PARD3B: variants seen among roughly 807,000 people sequenced by gnomAD.
PARD3B encodes the protein partitioning defective 3 homolog B.
Under a neutral mutation model 130.2 loss-of-function variants are expected in PARD3B, and 103 were observed. The ratio of observed to expected loss-of-function variants is 0.79; its 90% CI spans 0.67 to 0.93. The LOEUF is 0.93. PARD3B is among the 40% of genes least tolerant of loss of function. The pLI is 0.00. For synonymous variants in PARD3B, 583 were observed against 553.2 expected (o/e 1.05, Z -0.76); for missense variants, 1,609 against 1,499.2 (o/e 1.07, Z -1.21).
Position 205,515,442 on chromosome 2 carries a change from C to T in PARD3B, c.3180+15411C>T, listed in dbSNP as rs1300080229. ...CATACTGCTTTCCACAATGGTTGAA[C>T]TAATTTACACTCTCACCAACAGTGT... On this transcript the variant is annotated intron_variant, in intron 21 of 22. Transcript: ENST00000406610. Among the ~76,000 whole-genome samples, 3 of 151,908 alleles carry T rather than the reference C, an allele frequency of 2.0e-5. 1 individual carries two copies. The highest frequency in any genetic ancestry group is 7.3e-5 in the African/African-American group (3 of 41,306).
intron 11 of PARD3B, among the ~76,000 whole-genome samples, chr2:205,162,980 G>A (rs1285810763): frequency 1.3e-5 from 2 of 151,980 alleles, no homozygotes; most frequent in African/African-American, 4.8e-5. Context: ...TACATCTATG[G>A]ACTACACTTC....
intron 15 of PARD3B, among the ~76,000 whole-genome samples, chr2:205,197,311 T>G (rs2036752133): frequency 6.6e-6 from 1 of 152,162 alleles, no homozygotes; most frequent in African/African-American, 2.4e-5. Flanking sequence ...GAAATAAAAG[T>G]GAGTTAATTA....
At chr2:205,538,190 T>C (rs17638917) in intron 21 of PARD3B, among the ~76,000 whole-genome samples, 4,746 of 152,230 alleles carry the variant, frequency 0.031, 162 homozygotes, top group South Asian at 0.13. Context: ...ACAGTCTAGG[T>C]AAGTATTATT....
chr2:204,950,629 A>G (rs534498542), intron 2 of PARD3B, among the ~76,000 whole-genome samples: 69 of 152,308 alleles, frequency 4.5e-4, no homozygotes, highest in Non-Finnish European at 7.6e-4. Context: ...CTGGAAATCA[A>G]TGGAAAATAA....
At chr2:204,826,650 A>G (rs2043589552) in intron 2 of PARD3B, among the ~76,000 whole-genome samples, 2 of 152,186 alleles carry the variant, frequency 1.3e-5, no homozygotes, top group Non-Finnish European at 1.5e-5. Flanking sequence ...ATTTTTAAAA[A>G]TATTTTTATT....
At chr2:205,227,473 A>G (rs1465683802) in intron 15 of PARD3B, among the ~76,000 whole-genome samples, 2 of 151,896 alleles carry the variant, frequency 1.3e-5, no homozygotes, top group Non-Finnish European at 2.9e-5. Flanking sequence ...CCTGAAATCT[A>G]TTTTGCCTGA....
chr2:204,752,498 C>T (rs925587529), intron 2 of PARD3B, among the ~76,000 whole-genome samples: 14 of 151,934 alleles, frequency 9.2e-5, no homozygotes, highest in Non-Finnish European at 1.9e-4. Context: ...CGAATGTTGC[C>T]CCTTGTTAAT....
rs1287059832 is a variant in PARD3B at position 205,618,386 on chromosome 2, C to T, written c.*2573C>T. 1 of 152,216 alleles carries T rather than the reference C, an allele frequency of 6.6e-6. No individual in the cohort carries two copies. Among genetic ancestry groups the T allele is most frequent in the Non-Finnish European group, 1.5e-5 (1 of 68,042 alleles). 9.4% of individuals were successfully genotyped at this position (152,216 alleles called of 1,614,324 possible). On this transcript the variant is annotated 3_prime_UTR_variant, in exon 23 of 23. Coordinates refer to ENST00000406610, the MANE Select transcript of PARD3B (RefSeq NM_001302769.2). The stretch of plus-strand genomic sequence containing the variant: ...GTTACCACCCAGAGGTTACAGGACT[C>T]TTTCCCAGCATTTAGGGGAACAGGC...
At chr2:204,688,761 C>G (rs548739307) in intron 2 of PARD3B, among the ~76,000 whole-genome samples, 1 of 152,050 alleles carries the variant, frequency 6.6e-6, no homozygotes, top group East Asian at 1.9e-4. Flanking sequence ...TTTGTGGATG[C>G]TTAATGACAT....
At chr2:205,433,907 G>A (rs2047422708) in intron 19 of PARD3B, among the ~76,000 whole-genome samples, 1 of 152,154 alleles carries the variant, frequency 6.6e-6, no homozygotes, top group Non-Finnish European at 1.5e-5. Context: ...TTCTCCTGGT[G>A]ATAAACAGCT....
chr2:204,620,488 A>G (rs2034260876), intron 1 of PARD3B, among the ~76,000 whole-genome samples: 1 of 152,206 alleles, frequency 6.6e-6, no homozygotes. Flanking sequence ...GTACTTTAAC[A>G]TCAGAGGGGA....
At chr2:205,393,386 A>C (rs2105985200) in intron 18 of PARD3B, among the ~76,000 whole-genome samples, 1 of 152,348 alleles carries the variant, frequency 6.6e-6, no homozygotes, top group South Asian at 2.1e-4. Context: ...CAGGTCCAGA[A>C]AATACTATGA....
At chr2:205,133,380 T>A (rs542733246) in intron 10 of PARD3B, among the ~76,000 whole-genome samples, 8 of 152,328 alleles carry the variant, frequency 5.3e-5, no homozygotes, top group Non-Finnish European at 1.0e-4. Context: ...GCTAGTAGTC[T>A]TGGCATCACT....
At chr2:204,997,809 T>C (rs1694355179) in intron 3 of PARD3B, among the ~76,000 whole-genome samples, 1 of 151,128 alleles carries the variant, frequency 6.6e-6, no homozygotes, top group Admixed American at 6.6e-5. Flanking sequence ...TTCATGTTTT[T>C]AGTTTTGCTA....
At chr2:204,829,649 C>G (rs1399828621) in intron 2 of PARD3B, among the ~76,000 whole-genome samples, 1 of 152,106 alleles carries the variant, frequency 6.6e-6, no homozygotes, top group African/African-American at 2.4e-5. Flanking sequence ...GGGTGGATTT[C>G]TCCCTTGCTG....
chr2:205,079,791 T>C (rs1701292057), intron 4 of PARD3B, among the ~76,000 whole-genome samples: 1 of 152,066 alleles, frequency 6.6e-6, no homozygotes, highest in South Asian at 2.1e-4. Flanking sequence ...TTAATAAGAT[T>C]ATGCTAACGT....
chr2:204,947,554 TCCCTCCC>T (rs1689430010), intron 2 of PARD3B, among the ~76,000 whole-genome samples: 2 of 23,632 alleles, frequency 8.5e-5, no homozygotes, highest in South Asian at 2.2e-3. Context: ...TCCCCTCCCC[TCCCTCCC>T]CTCCCTCCCC....
intron 18 of PARD3B, among the ~76,000 whole-genome samples, chr2:205,356,393 C>A (rs1407260902): frequency 6.6e-6 from 1 of 151,602 alleles, no homozygotes; most frequent in African/African-American, 2.4e-5. Context: ...GCTCTGTCAC[C>A]CAGGCTGGAG....
intron 19 of PARD3B, among the ~76,000 whole-genome samples, chr2:205,401,416 G>C (rs1466953635): frequency 6.6e-6 from 1 of 151,682 alleles, no homozygotes; most frequent in Non-Finnish European, 1.5e-5. Context: ...TTTTTCCAAA[G>C]AAAGGTCATT....
Sources: gnomAD v4.1 joint callset for allele counts (sites outside exome capture counted in the v4.1 genomes callset) on GRCh38, gnomAD v4.1.1 for gene constraint, MANE v1.5 for transcripts, NCBI Gene and HGNC (gene_info 2026-07-23, HGNC 2026-07-21) for gene names.